Variants in PPFIA2 observed in about 807,000 individuals in gnomAD.
PPFIA2 encodes liprin-alpha-2.
PPFIA2 carries 46 observed loss-of-function variants against 175.5 expected under a neutral mutation model. That is an observed-to-expected ratio of 0.26 (90% CI 0.21 to 0.34). PPFIA2 has a LOEUF of 0.34. Ranked by LOEUF, PPFIA2 falls within the 10% of genes least tolerant of loss-of-function variation. PPFIA2 has a pLI of 1.00. For missense variants in PPFIA2, 1,179 were observed against 1,506.1 expected, an observed-to-expected ratio of 0.78 and a Z score of 3.60; for synonymous variants, 568 against 511.4, an observed-to-expected ratio of 1.11 and a Z score of -1.49.
chr12:81,263,375 A>C lies in PPFIA2; in HGVS notation c.3571T>G (p.Phe1191Val). ...RRLDESDDKN[F>V]RRGSTWRRQF... is the part of the protein sequence containing the mutation. ...CTTCTCCAGGTTGATCCACGTCTGA[A>C]GTTCTTGTCATCACTCTGCCAGTAC... The change falls in exon 31 of 33, where the codon TTC becomes GTC. Residue 1191 changes from phenylalanine to valine, a missense_variant. Physicochemically the swap from Phe to Val is conservative, Grantham distance 50. Around this residue, in one of 10 missense-constraint regions of PPFIA2, gnomAD observed 245 missense variants for 375.1 expected, o/e 0.65. Transcript: ENST00000549396. 1 of 1,613,304 alleles carries C rather than the reference A, an allele frequency of 6.2e-7. No individual in the cohort carries two copies. Among genetic ancestry groups the C allele is most frequent in the Non-Finnish European group, 8.5e-7 (1 of 1,179,320 alleles).
intron 4 of PPFIA2, among the ~76,000 whole-genome samples, chr12:81,467,213 GA>G (rs1319286554): frequency 2.0e-5 from 3 of 152,098 alleles, no homozygotes; most frequent in Non-Finnish European, 2.9e-5. Context: ...CATTTTTGGA[GA>G]GAATATATCT....
intron 7 of PPFIA2, among the ~76,000 whole-genome samples, chr12:81,427,365 A>G (rs1398480096): frequency 2.0e-5 from 3 of 152,102 alleles, no homozygotes; most frequent in Non-Finnish European, 4.4e-5. Flanking sequence ...AGTAATAATT[A>G]TCCTTTTCTC....
intron 3 of PPFIA2, among the ~76,000 whole-genome samples, chr12:81,690,002 C>T (rs2153585993): frequency 6.6e-6 from 1 of 152,196 alleles, no homozygotes; most frequent in South Asian, 2.1e-4. Flanking sequence ...TTGCATGGCT[C>T]CATGAAATCA....
At chr12:81,756,143 G>A (rs2084617442) in intron 2 of PPFIA2, among the ~76,000 whole-genome samples, 1 of 152,034 alleles carries the variant, frequency 6.6e-6, no homozygotes. Context: ...TGATTACCAG[G>A]AGCCAATATG....
chr12:81,390,000 C>T (rs966844325), intron 8 of PPFIA2, among the ~76,000 whole-genome samples: 1 of 152,064 alleles, frequency 6.6e-6, no homozygotes, highest in Non-Finnish European at 1.5e-5. Context: ...TACAGATTCG[C>T]AGTTCTGGAC....
intron 4 of PPFIA2, among the ~76,000 whole-genome samples, chr12:81,632,727 T>C (rs2063532911): frequency 1.3e-5 from 2 of 151,112 alleles, no homozygotes; most frequent in African/African-American, 4.8e-5. Flanking sequence ...AAGCTACAAA[T>C]GCAGTAGCTG....
At chr12:81,319,274 T>C (rs1044218835) in intron 22 of PPFIA2, among the ~76,000 whole-genome samples, 1 of 151,928 alleles carries the variant, frequency 6.6e-6, no homozygotes, top group African/African-American at 2.4e-5. Context: ...GAGAACACTT[T>C]GGTTTTCCTT....
chr12:81,587,453 T>C (rs1187647771), intron 4 of PPFIA2, among the ~76,000 whole-genome samples: 3 of 152,162 alleles, frequency 2.0e-5, no homozygotes, highest in African/African-American at 7.2e-5. Context: ...ATTAAACATC[T>C]TTTATTTATA....
chr12:81,427,322 T>C (rs994811567), intron 7 of PPFIA2, among the ~76,000 whole-genome samples: 3 of 152,120 alleles, frequency 2.0e-5, no homozygotes, highest in African/African-American at 7.2e-5. Flanking sequence ...ACTTAGGTTC[T>C]ATATGACTCA....
In PPFIA2 at chr12:81,642,800, T is replaced by TAC. The variant is rs2065441600; in HGVS notation, c.303+33990_303+33991insGT. ...TGTATTATATACATACATGTATATG[T>TAC]ATGTATGTATTACATACATGTATAT... On this transcript the variant is annotated intron_variant, in intron 4 of 32. Coordinates refer to ENST00000549396, the MANE Select transcript of PPFIA2 (RefSeq NM_003625.5). Among the ~76,000 whole-genome samples, 3 of 39,316 alleles carry TAC rather than the reference T, an allele frequency of 7.6e-5. 1 individual carries two copies. The highest frequency in any genetic ancestry group is 3.2e-4 in the African/African-American group (3 of 9,258). 25.8% of individuals were successfully genotyped at this position (39,316 alleles called of 152,430 possible).
intron 6 of PPFIA2, among the ~76,000 whole-genome samples, chr12:81,440,808 G>GACATATATATATATATATA (rs1566841722): frequency 1.4e-5 from 2 of 144,786 alleles, no homozygotes; most frequent in Admixed American, 6.8e-5. Context: ...CTATATATAT[G>GACATATATATATATATATA]TCCTGATATA....
chr12:81,514,297 A>G lies in PPFIA2; in HGVS notation c.304-56431T>C, dbSNP rs1001685860. ...CTGATGTTAGCATTTAAAACACCTT[A>G]TCTTTCTTTTATTCTAAAAGAAAAT... On this transcript the variant is annotated intron_variant, in intron 4 of 32. Coordinates refer to ENST00000549396, the MANE Select transcript of PPFIA2 (RefSeq NM_003625.5). Among the ~76,000 whole-genome samples, 6 of 152,086 alleles carry G rather than the reference A, an allele frequency of 3.9e-5. No individual in the cohort carries two copies. The South Asian group carries it at 1.2e-3, about 32-fold the overall frequency.
intron 7 of PPFIA2, among the ~76,000 whole-genome samples, chr12:81,429,003 AAAAC>A (rs1461854668): frequency 1.3e-5 from 2 of 152,084 alleles, no homozygotes; most frequent in African/African-American, 4.8e-5. Context: ...AATTGTTAAT[AAAAC>A]AAACAAACAA....
intron 4 of PPFIA2, among the ~76,000 whole-genome samples, chr12:81,605,656 T>C (rs1465702136): frequency 1.4e-5 from 2 of 142,102 alleles, no homozygotes; most frequent in African/African-American, 5.5e-5. Context: ...TCCAGCTATC[T>C]ATCTATCTAT....
At chr12:81,739,631 T>A (rs1285162643) in intron 3 of PPFIA2, among the ~76,000 whole-genome samples, 1 of 152,006 alleles carries the variant, frequency 6.6e-6, no homozygotes, top group Admixed American at 6.6e-5. Flanking sequence ...TATCAATGCA[T>A]CTTATAAACT....
chr12:81,388,848 T>C (rs1371550149), intron 8 of PPFIA2, among the ~76,000 whole-genome samples: 3 of 151,826 alleles, frequency 2.0e-5, no homozygotes, highest in African/African-American at 7.3e-5. Flanking sequence ...AATTTACGCT[T>C]TACCACATTG....
At chr12:81,603,244 T>G (rs978478950) in intron 4 of PPFIA2, among the ~76,000 whole-genome samples, 3 of 151,840 alleles carry the variant, frequency 2.0e-5, no homozygotes, top group Admixed American at 6.6e-5. Context: ...AAAATTAAGA[T>G]AGTAAGACCC....
chr12:81,407,550 A>C (rs989489848), intron 7 of PPFIA2, among the ~76,000 whole-genome samples: 1 of 151,572 alleles, frequency 6.6e-6, no homozygotes, highest in African/African-American at 2.4e-5. Context: ...TGTTAAAAAA[A>C]CCTAAAGTTT....
At chr12:81,672,695 A>G (rs910081606) in intron 4 of PPFIA2, among the ~76,000 whole-genome samples, 3 of 152,050 alleles carry the variant, frequency 2.0e-5, no homozygotes, top group Non-Finnish European at 4.4e-5. Flanking sequence ...CCAAAGAAAT[A>G]AATAGAAAGA....
Sources: gnomAD v4.1 joint callset for allele counts (sites outside exome capture counted in the v4.1 genomes callset) on GRCh38, gnomAD v4.1.1 for gene constraint, gnomAD v4.1.1 regional missense constraint, MANE v1.5 for transcripts, NCBI Gene and HGNC (gene_info 2026-07-23, HGNC 2026-07-21) for gene names.